Variants in AFAP1 observed in about 807,000 individuals in gnomAD.
AFAP1 encodes the protein actin filament associated protein 1.
Under a neutral mutation model 93.9 loss-of-function variants are expected in AFAP1, and 75 were observed. The observed-to-expected ratio is 0.80, with a 90% confidence interval of 0.66 to 0.97. AFAP1 has a LOEUF of 0.97. Ranked by LOEUF, AFAP1 falls within the 50% of genes least tolerant of loss-of-function variation. The probability of loss-of-function intolerance (pLI) is 0.00; values close to 1 mark genes in which losing one functional copy is unlikely to be tolerated. For synonymous variants in AFAP1, 517 were observed against 430.7 expected (o/e 1.20, Z -2.48); for missense variants, 1,201 against 1,050.8 (o/e 1.14, Z -1.98).
chr4:7,885,038 A>G (rs747844390), intron 1 of AFAP1, among the ~76,000 whole-genome samples: 2 of 152,180 alleles, frequency 1.3e-5, no homozygotes, highest in African/African-American at 2.4e-5. Context: ...ACGCTGGAGA[A>G]CTGTTTCACA....
chr4:7,840,274 G>C (rs1560191609), intron 5 of AFAP1, among the ~76,000 whole-genome samples: 1 of 128,816 alleles, frequency 7.8e-6, no homozygotes, highest in Non-Finnish European at 1.7e-5. Flanking sequence ...GTGTGTGTGT[G>C]TGTGTGTGTG....
intron 13 of AFAP1, chr4:7,779,110 T>C: frequency 2.0e-6 from 1 of 505,402 alleles, no homozygotes; most frequent in Non-Finnish European, 3.5e-6. Context: ...TGTGTTCCGC[T>C]GGAACACTGC....
intron 1 of AFAP1, among the ~76,000 whole-genome samples, chr4:7,937,154 C>G (rs1721433759): frequency 6.6e-6 from 1 of 152,024 alleles, no homozygotes; most frequent in Non-Finnish European, 1.5e-5. Flanking sequence ...AAGATATTGC[C>G]AAAAAGTTGC....
intron 8 of AFAP1, among the ~76,000 whole-genome samples, chr4:7,815,280 G>C (rs1459524502): frequency 6.6e-6 from 1 of 152,212 alleles, no homozygotes; most frequent in Non-Finnish European, 1.5e-5. Flanking sequence ...GTGTTTAAAA[G>C]GGACAGAGCT....
chr4:7,827,569 C>CAAAAAAAAAAAAAAAAA (rs58075483), intron 6 of AFAP1, among the ~76,000 whole-genome samples: 1,424 of 52,178 alleles, frequency 0.027, 211 homozygotes, highest in Non-Finnish European at 0.039. Context: ...ACTCTGTCTC[C>CAAAAAAAAAAAAAAAAA]AAAAAAAAAA....
chr4:7,806,722 A>G (rs952405940), intron 9 of AFAP1, among the ~76,000 whole-genome samples: 3 of 152,306 alleles, frequency 2.0e-5, no homozygotes, highest in African/African-American at 7.2e-5. Context: ...GCAAGGAATT[A>G]GATGACAGCT....
At chr4:7,906,370 G>A (rs936010166) in intron 1 of AFAP1, among the ~76,000 whole-genome samples, 2 of 152,132 alleles carry the variant, frequency 1.3e-5, no homozygotes, top group Non-Finnish European at 2.9e-5. Flanking sequence ...TGTGAATTAC[G>A]AAGCAAAAAA....
At chr4:7,787,504 T>C (rs962630759) in intron 11 of AFAP1, among the ~76,000 whole-genome samples, 2 of 152,186 alleles carry the variant, frequency 1.3e-5, no homozygotes, top group African/African-American at 4.8e-5. Flanking sequence ...GTCAGCTTTG[T>C]GGACTGGGCC....
intron 1 of AFAP1, among the ~76,000 whole-genome samples, chr4:7,888,554 A>T (rs1718262115): frequency 6.6e-6 from 1 of 152,218 alleles, no homozygotes; most frequent in Non-Finnish European, 1.5e-5. Context: ...TCAGAAACGG[A>T]AAAGAATAAA....
At chr4:7,763,822 A>G (rs532964685) in intron 17 of AFAP1, 31 bp from the exon 18 acceptor site, 1 of 1,551,272 alleles carries the variant, frequency 6.4e-7, no homozygotes, top group Non-Finnish European at 8.7e-7. Context: ...GTAAGTGGAC[A>G]GGGCAAGAGG....
intron 1 of AFAP1, among the ~76,000 whole-genome samples, chr4:7,914,507 T>C (rs1266210050): frequency 6.6e-6 from 1 of 152,162 alleles, no homozygotes; most frequent in Non-Finnish European, 1.5e-5. Flanking sequence ...AGTACTCCAC[T>C]GTGTATAAAG....
intron 7 of AFAP1, among the ~76,000 whole-genome samples, chr4:7,818,325 A>G (rs1309970049): frequency 6.6e-6 from 1 of 152,204 alleles, no homozygotes; most frequent in African/African-American, 2.4e-5. Context: ...ATGCCTTCTA[A>G]GAAATCTGCT....
At chr4:7,866,879 A>T (rs1466338701) in intron 3 of AFAP1, among the ~76,000 whole-genome samples, 1 of 151,098 alleles carries the variant, frequency 6.6e-6, no homozygotes, top group East Asian at 1.9e-4. Context: ...AAAAAAAAAA[A>T]AATTAAACAT....
At chr4:7,827,239 G>A (rs1721502845) in intron 6 of AFAP1, among the ~76,000 whole-genome samples, 1 of 151,902 alleles carries the variant, frequency 6.6e-6, no homozygotes, top group South Asian at 2.1e-4. Context: ...TCTACGGGAA[G>A]TATCAGAGGA....
At chr4:7,906,345 G>T (rs527594580) in intron 1 of AFAP1, among the ~76,000 whole-genome samples, 1 of 152,126 alleles carries the variant, frequency 6.6e-6, no homozygotes, top group African/African-American at 2.4e-5. Context: ...TCAGATAATG[G>T]ATTTTAAAAT....
rs890711857 is a variant in AFAP1, at chr4:7,761,157, T to C, written c.*2608A>G. 1 of 151,924 alleles carries C rather than the reference T, an allele frequency of 6.6e-6. No homozygotes were observed. The highest frequency in any genetic ancestry group is 1.5e-5 in the Non-Finnish European group (1 of 67,870). The allele number at this position is 151,924 out of a possible 1,614,324, so 9.4% of individuals were successfully genotyped here. A position where few individuals can be genotyped will look rare whatever the true frequency, so the allele number is the denominator to read the frequency against. ...ATATGTACAGATATAAATTAAAAAC[T>C]ATATTTATTGAACATATACACATAA... On this transcript the variant is annotated 3_prime_UTR_variant, in exon 18 of 18. Coordinates refer to ENST00000420658, the MANE Select transcript of AFAP1 (RefSeq NM_001134647.2).
chr4:7,791,855 A>AC (rs1553828558), intron 11 of AFAP1, among the ~76,000 whole-genome samples: 19 of 147,174 alleles, frequency 1.3e-4, no homozygotes, highest in East Asian at 1.2e-3. Context: ...AAAAAAACAA[A>AC]AACAAAAAAC....
Position 7,824,824 on chromosome 4 carries a change from G to A in AFAP1, c.727-5653C>T, listed in dbSNP as rs138282327. 5.4e-3 allele frequency among the ~76,000 whole-genome samples: 828 copies of A among 152,226 alleles called. 2 individuals are homozygous for A. The highest frequency in any genetic ancestry group is 0.014 in the Middle Eastern group (4 of 294). ...AGGGAATGGGAGGAAGGATGGTGAGGAACTGGTGAAGGGTACAGTGTACAT... is the reference window on the plus strand; with the variant it reads ...AGGGAATGGGAGGAAGGATGGTGAGAAACTGGTGAAGGGTACAGTGTACAT... On this transcript the variant is annotated intron_variant, in intron 6 of 17. Transcript: ENST00000420658.
chr4:7,915,306 T>C (rs891581999), intron 1 of AFAP1, among the ~76,000 whole-genome samples: 1 of 68,200 alleles, frequency 1.5e-5, no homozygotes, highest in Non-Finnish European at 2.4e-5. Context: ...CTGATTATGA[T>C]ACTGAGCATT....
Sources: gnomAD v4.1 joint callset for allele counts (sites outside exome capture counted in the v4.1 genomes callset) on GRCh38, gnomAD v4.1.1 for gene constraint, MANE v1.5 for transcripts, NCBI Gene and HGNC (gene_info 2026-07-23, HGNC 2026-07-21) for gene names.